Variants in CDH18 observed in about 807,000 individuals in gnomAD.
CDH18 encodes cadherin 18.
CDH18 carries 31 observed loss-of-function variants against 67.9 expected under a neutral mutation model. The ratio of observed to expected loss-of-function variants is 0.46; its 90% CI spans 0.34 to 0.62. CDH18 has a LOEUF of 0.62. CDH18 is among the 20% of genes least tolerant of loss of function. CDH18 has a pLI of 0.01. For missense variants in CDH18, 890 were observed against 975.5 expected, an observed-to-expected ratio of 0.91 and a Z score of 1.17; for synonymous variants, 362 against 347.2, an observed-to-expected ratio of 1.04 and a Z score of -0.48.
intron 2 of CDH18, among the ~76,000 whole-genome samples, chr5:20,059,271 A>G (rs1742259932): frequency 6.6e-6 from 1 of 152,070 alleles, no homozygotes; most frequent in South Asian, 2.1e-4. Context: ...TAATCTTTTT[A>G]AAAAACCAGC....
At chr5:19,478,118 C>A (rs1162182889) in intron 12 of CDH18, among the ~76,000 whole-genome samples, 1 of 152,006 alleles carries the variant, frequency 6.6e-6, no homozygotes, top group African/African-American at 2.4e-5. Flanking sequence ...TATTTGTTTT[C>A]TCATAATATG....
At chr5:20,057,115 CTTG>C (rs1742060066) in intron 2 of CDH18, among the ~76,000 whole-genome samples, 1 of 152,106 alleles carries the variant, frequency 6.6e-6, no homozygotes, top group African/African-American at 2.4e-5. Flanking sequence ...CACAATTTGT[CTTG>C]TTAATAGCTC....
intron 1 of CDH18, among the ~76,000 whole-genome samples, chr5:20,375,351 G>C (rs1413050136): frequency 6.6e-6 from 1 of 152,184 alleles, no homozygotes; most frequent in Non-Finnish European, 1.5e-5. Context: ...TGTTTGGAAA[G>C]CAGAATTGGG....
intron 2 of CDH18, among the ~76,000 whole-genome samples, chr5:20,124,999 A>C (rs912609635): frequency 6.6e-6 from 1 of 152,146 alleles, no homozygotes; most frequent in Admixed American, 6.5e-5. Context: ...GCCATGTAAA[A>C]TCTGGTGTCA....
chr5:20,537,103 T>C (rs1443739850), intron 1 of CDH18, among the ~76,000 whole-genome samples: 1 of 152,160 alleles, frequency 6.6e-6, no homozygotes, highest in Non-Finnish European at 1.5e-5. Context: ...GACTTCTCTT[T>C]TTCTCACATA....
chr5:20,420,560 C>T (rs914328876), intron 1 of CDH18, among the ~76,000 whole-genome samples: 16 of 151,156 alleles, frequency 1.1e-4, no homozygotes, highest in Non-Finnish European at 2.4e-4. Flanking sequence ...TAAAATGACT[C>T]TAAGTTACAA....
At chr5:19,926,770 T>C (rs6889108) in intron 2 of CDH18, among the ~76,000 whole-genome samples, 108,941 of 151,866 alleles carry the variant, frequency 0.72, 45,506 homozygotes, top group Non-Finnish European at 0.93. Context: ...TTTCCAATTT[T>C]GTTTTTTTCT....
upstream of CDH18, among the ~76,000 whole-genome samples, chr5:19,990,848 C>T (rs935019431): frequency 1.3e-5 from 2 of 152,156 alleles, no homozygotes; most frequent in African/African-American, 4.8e-5. Context: ...TAGGGAAAGC[C>T]AGGTGGTAGG....
chr5:19,535,493 C>G (rs1493439), intron 9 of CDH18, among the ~76,000 whole-genome samples: 76,919 of 151,972 alleles, frequency 0.51, 20,561 homozygotes, highest in African/African-American at 0.69. Context: ...TTTTTATATT[C>G]TTAGATGCAG....
intron 1 of CDH18, among the ~76,000 whole-genome samples, chr5:20,455,031 C>T (rs943900466): frequency 6.6e-6 from 1 of 151,576 alleles, no homozygotes; most frequent in Non-Finnish European, 1.5e-5. Context: ...TGTGTTACCT[C>T]TCCTAATGCG....
intron 1 of CDH18, among the ~76,000 whole-genome samples, chr5:20,519,585 C>A (rs972490470): frequency 1.2e-4 from 18 of 151,908 alleles, no homozygotes; most frequent in African/African-American, 4.1e-4. Context: ...CAAACCCGCA[C>A]ATTGTGCACA....
intron 2 of CDH18, among the ~76,000 whole-genome samples, chr5:19,996,019 G>A (rs997357778): frequency 1.8e-4 from 28 of 152,044 alleles, no homozygotes; most frequent in African/African-American, 6.0e-4. Flanking sequence ...AGAGGCAAAT[G>A]TTCAAAATCA....
intron 3 of CDH18, among the ~76,000 whole-genome samples, chr5:19,827,195 T>C (rs1780500931): frequency 1.3e-5 from 2 of 152,012 alleles, no homozygotes; most frequent in African/African-American, 4.8e-5. Context: ...ATCTTAAATA[T>C]AAATACACCA....
chr5:19,963,013 T>C (rs1272324588), intron 2 of CDH18, among the ~76,000 whole-genome samples: 5 of 152,088 alleles, frequency 3.3e-5, no homozygotes, highest in Non-Finnish European at 5.9e-5. Context: ...AAATGTATTC[T>C]CTTATTTCTA....
intron 2 of CDH18, among the ~76,000 whole-genome samples, chr5:19,962,964 C>G (rs761732844): frequency 2.0e-5 from 3 of 152,062 alleles, no homozygotes; most frequent in East Asian, 1.9e-4. Context: ...TATAGCCTGA[C>G]AAAACAACTC....
intron 1 of CDH18, among the ~76,000 whole-genome samples, chr5:20,542,420 A>G (rs772645428): frequency 6.6e-6 from 1 of 151,670 alleles, no homozygotes; most frequent in Non-Finnish European, 1.5e-5. Flanking sequence ...TTAGCATTAT[A>G]GTATATAAAT....
At chr5:20,280,111 C>T (rs1746130366) in intron 1 of CDH18, among the ~76,000 whole-genome samples, 2 of 152,030 alleles carry the variant, frequency 1.3e-5, no homozygotes, top group South Asian at 2.1e-4. Flanking sequence ...AGATTCAATG[C>T]AATCTCTATC....
At chr5:20,455,761 A>G (rs892544187) in intron 1 of CDH18, among the ~76,000 whole-genome samples, 2 of 152,074 alleles carry the variant, frequency 1.3e-5, no homozygotes, top group South Asian at 2.1e-4. Context: ...ATGTCTTTAC[A>G]TAGAGCAATA....
chr5:20,019,485 T>G (rs1738203875), intron 2 of CDH18, among the ~76,000 whole-genome samples: 1 of 152,148 alleles, frequency 6.6e-6, no homozygotes, highest in South Asian at 2.1e-4. Context: ...GGGGCCAATT[T>G]GCCTCTTGCT....
Sources: gnomAD v4.1 joint callset for allele counts (sites outside exome capture counted in the v4.1 genomes callset) on GRCh38, gnomAD v4.1.1 for gene constraint, MANE v1.5 for transcripts, NCBI Gene and HGNC (gene_info 2026-07-23, HGNC 2026-07-21) for gene names.